Variants in PREP observed in about 807,000 individuals in gnomAD.
PREP encodes the protein prolyl endopeptidase.
A neutral mutation model predicts 87.6 loss-of-function variants in PREP; 29 were observed. The observed-to-expected ratio is 0.33, with a 90% CI of 0.25 to 0.45. The LOEUF (loss-of-function observed/expected upper bound fraction) is 0.45. Among genes scored for constraint, PREP ranks in the 20% least tolerant of loss-of-function variants. PREP has a pLI of 1.00. For missense variants in PREP, 695 were observed against 886.5 expected (o/e 0.78, Z 2.74); for synonymous variants, 337 against 328.6 (o/e 1.03, Z -0.28).
intron 10 of PREP, among the ~76,000 whole-genome samples, chr6:105,300,763 T>C (rs1355671043): frequency 2.0e-5 from 3 of 152,302 alleles, no homozygotes; most frequent in Non-Finnish European, 4.4e-5. Flanking sequence ...TCTGGAAGCA[T>C]GTTTTAGCAC....
chr6:105,355,397 G>A lies in PREP; in HGVS notation c.718-2320C>T, dbSNP rs118028337. 2.4e-3 allele frequency among the ~76,000 whole-genome samples: 365 copies of A among 152,198 alleles called. 1 individual carries two copies. The highest frequency in any genetic ancestry group is 3.8e-3 in the Non-Finnish European group (255 of 67,988). On this transcript the variant is annotated intron_variant, in intron 6 of 14. Coordinates refer to ENST00000652536, the MANE Select transcript of PREP (RefSeq NM_002726.5). Reference sequence around the variant, plus strand: ...CTGTAGTTTTAAATATGGCAATCAAGGTAAACCCCATTAAGAAGGCATCTT... The same window carrying A: ...CTGTAGTTTTAAATATGGCAATCAAAGTAAACCCCATTAAGAAGGCATCTT...
chr6:105,345,297 C>CT lies in PREP; in HGVS notation c.823+7674dup, dbSNP rs1771767550. 2.0e-5 allele frequency among the ~76,000 whole-genome samples: 3 copies of CT among 152,240 alleles called. No individual in the cohort carries two copies. In the South Asian group the frequency reaches 6.2e-4, roughly 32 times the overall value. ...CCTACCTTCTCTGAGGTTCTTTTGTCTATAAAGTGGCATTATTCACTCTGA... is the reference window on the plus strand; with the variant it reads ...CCTACCTTCTCTGAGGTTCTTTTGTCTTATAAAGTGGCATTATTCACTCTGA... On this transcript the variant is annotated intron_variant, in intron 7 of 14. Transcript: ENST00000652536.
intron 2 of PREP, among the ~76,000 whole-genome samples, chr6:105,394,971 T>C (rs536254821): frequency 1.3e-5 from 2 of 152,242 alleles, no homozygotes; most frequent in Admixed American, 1.3e-4. Context: ...TTATTTGTAA[T>C]AGTGAAAAGT....
chr6:105,370,229 A>G (rs949004328), intron 5 of PREP, among the ~76,000 whole-genome samples: 3 of 146,678 alleles, frequency 2.0e-5, no homozygotes, highest in East Asian at 4.0e-4. Flanking sequence ...CAGCCTGGAT[A>G]TTTATAAAAA....
chr6:105,304,766 T>A lies in PREP; in HGVS notation c.1318-15872A>T, dbSNP rs931237867. 1.7e-4 allele frequency among the ~76,000 whole-genome samples: 26 copies of A among 152,194 alleles called. 1 individual carries two copies. Among genetic ancestry groups the A allele is most frequent in the African/African-American group, 4.6e-4 (19 of 41,534 alleles). ...TGAATGGTGTTTCATTAAAAAAAAA[T>A]TTATACAGAGCAGCCTAGAGTCTTG... On this transcript the variant is annotated intron_variant, in intron 10 of 14. Transcript: ENST00000652536.
chr6:105,305,254 A>G (rs1488717104), intron 10 of PREP, among the ~76,000 whole-genome samples: 1 of 152,178 alleles, frequency 6.6e-6, no homozygotes, highest in Non-Finnish European at 1.5e-5. Context: ...ACCCCTTAAA[A>G]GGGTGAACTA....
At chr6:105,282,998 G>A (rs748794217) in intron 12 of PREP, among the ~76,000 whole-genome samples, 3 of 152,248 alleles carry the variant, frequency 2.0e-5, no homozygotes, top group East Asian at 1.9e-4. Context: ...CACCCGAGCC[G>A]GAGCTGGCTG....
intron 6 of PREP, among the ~76,000 whole-genome samples, chr6:105,367,563 T>C (rs985274891): frequency 2.6e-5 from 4 of 151,270 alleles, no homozygotes; most frequent in African/African-American, 9.7e-5. Flanking sequence ...TCCCAGCTAC[T>C]TGGGAGGCTG....
intron 13 of PREP, 125 bp from the exon 14 acceptor site, chr6:105,282,027 G>A: frequency 8.6e-7 from 1 of 1,168,118 alleles, no homozygotes; most frequent in Non-Finnish European, 1.2e-6. Context: ...AGCACAAGAG[G>A]AAACCATCAG....
In PREP at chr6:105,288,751, A is replaced by G. The variant is rs1019752346; in HGVS notation, c.1454+7T>C. 2 of 1,613,760 alleles carry G rather than the reference A, an allele frequency of 1.2e-6. No individual in the cohort carries two copies. The highest frequency in any genetic ancestry group is 1.3e-5 in the African/African-American group (1 of 74,880). The stretch of plus-strand genomic sequence containing the variant: ...ATACTGGCACTCTGAGTGCGTTCCG[A>G]GCTCACCTGTAGTTGGGTGTGATGG... On this transcript the variant is annotated splice_region_variant and intron_variant, in intron 11 of 14. Coordinates refer to ENST00000652536, the MANE Select transcript of PREP (RefSeq NM_002726.5).
At chr6:105,301,083 T>G (rs1149308) in intron 10 of PREP, among the ~76,000 whole-genome samples, 13,577 of 152,268 alleles carry the variant, frequency 0.089, 697 homozygotes, top group African/African-American at 0.13. Context: ...TACTGAGCTA[T>G]CTGAGGCAAA....
intron 2 of PREP, among the ~76,000 whole-genome samples, chr6:105,382,270 A>ACAC (rs1772863115): frequency 1.4e-5 from 2 of 143,016 alleles, no homozygotes; most frequent in East Asian, 4.2e-4. Flanking sequence ...AAGCGTTCTC[A>ACAC]ACACACACAC....
chr6:105,343,330 A>T (rs1326851377), intron 7 of PREP, among the ~76,000 whole-genome samples: 3 of 152,258 alleles, frequency 2.0e-5, no homozygotes, highest in Non-Finnish European at 4.4e-5. Context: ...CCATATGTAG[A>T]AAGCTGAAAC....
At chr6:105,349,939 G>A (rs1479213099) in intron 7 of PREP, among the ~76,000 whole-genome samples, 1 of 141,888 alleles carries the variant, frequency 7.0e-6, no homozygotes, top group Non-Finnish European at 1.5e-5. Flanking sequence ...AAGATCCTAG[G>A]AGTTAGTCAT....
chr6:105,276,200 C>A lies in PREP; in HGVS notation c.*1944G>T, dbSNP rs1253833418. Among the ~76,000 whole-genome samples the A allele has an allele frequency of 1.3e-5, 2 of 152,150 alleles. No individual in the cohort carries two copies. Among genetic ancestry groups the A allele is most frequent in the Non-Finnish European group, 2.9e-5 (2 of 68,028 alleles). ...TAGTTGTCCTGTGAAAATCTAGACA[C>A]AAAAATTAGGTTGGAAAAGAGAACT... On this transcript the variant is annotated 3_prime_UTR_variant, in exon 15 of 15. Transcript: ENST00000652536.
At chr6:105,380,394 G>A (rs1210483196) in intron 2 of PREP, among the ~76,000 whole-genome samples, 1 of 152,206 alleles carries the variant, frequency 6.6e-6, no homozygotes, top group African/African-American at 2.4e-5. Context: ...CAGATATGAT[G>A]TTTCGATCTC....
chr6:105,288,921 G>C (rs1411867563), intron 10 of PREP, 27 bp from the exon 11 acceptor site: 1 of 1,597,936 alleles, frequency 6.3e-7, no homozygotes, highest in Non-Finnish European at 8.6e-7. Flanking sequence ...CAGAATATAA[G>C]ATTTAGCATT....
intron 10 of PREP, among the ~76,000 whole-genome samples, chr6:105,300,344 CT>C (rs1195260088): frequency 2.0e-5 from 3 of 152,180 alleles, no homozygotes; most frequent in African/African-American, 7.2e-5. Flanking sequence ...GTGTTACCAT[CT>C]TGAAGACAGA....
Position 105,282,017 on chromosome 6 carries a change from A to G in PREP, c.1682-115T>C, listed in dbSNP as rs1039435108. 3.9e-6 allele frequency: 5 copies of G among 1,272,288 alleles called. No individual in the cohort carries two copies. In the South Asian group the frequency reaches 4.6e-5, roughly 12 times the overall value. The allele number at this position is 1,272,288 out of a possible 1,614,324, so 78.8% of individuals were successfully genotyped here. A position where few individuals can be genotyped will look rare whatever the true frequency, so the allele number is the denominator to read the frequency against. On this transcript the variant is annotated intron_variant, in intron 13 of 14. Transcript: ENST00000652536. ...CAGAGCCCTGGTTGCATTTATCCAG[A>G]GCACAAGAGGAAACCATCAGAAATC...
Sources: gnomAD v4.1 joint callset for allele counts (sites outside exome capture counted in the v4.1 genomes callset) on GRCh38, gnomAD v4.1.1 for gene constraint, MANE v1.5 for transcripts, NCBI Gene and HGNC (gene_info 2026-07-23, HGNC 2026-07-21) for gene names.